The following PRKD1 variants were observed in gnomAD, a reference collection of about 807,000 sequenced individuals.
PRKD1 encodes the protein serine/threonine-protein kinase D1.
PRKD1 carries 63 observed loss-of-function variants against 95.9 expected under a neutral mutation model. That is an observed-to-expected ratio of 0.66 (90% confidence interval 0.54 to 0.81). The LOEUF (loss-of-function observed/expected upper bound fraction) is 0.81, where lower values mean the gene tolerates loss of function less well. Ranked by LOEUF, PRKD1 falls within the 30% of genes least tolerant of loss-of-function variation. The probability of loss-of-function intolerance (pLI) is 0.00; values close to 1 mark genes in which losing one functional copy is unlikely to be tolerated. For missense variants in PRKD1, 1,048 were observed against 1,165.3 expected (o/e 0.90, Z 1.47); for synonymous variants, 425 against 423.1 (o/e 1.00, Z -0.05).
chr14:29,678,976 C>T (rs1283228089), intron 2 of PRKD1, among the ~76,000 whole-genome samples: 1 of 152,086 alleles, frequency 6.6e-6, no homozygotes, highest in Non-Finnish European at 1.5e-5. Flanking sequence ...AACTTTCAGC[C>T]ACTATTAAAA....
intron 1 of PRKD1, among the ~76,000 whole-genome samples, chr14:29,906,027 G>A (rs1894483231): frequency 6.6e-6 from 1 of 151,938 alleles, no homozygotes; most frequent in South Asian, 2.1e-4. Context: ...AAACACATGA[G>A]GTGTAAATCT....
chr14:29,817,844 G>T (rs1193975595), intron 1 of PRKD1, among the ~76,000 whole-genome samples: 2 of 152,032 alleles, frequency 1.3e-5, no homozygotes, highest in Non-Finnish European at 2.9e-5. Flanking sequence ...GATTACAAAG[G>T]AAAATAAAAT....
chr14:29,829,746 T>G (rs1186494330), intron 1 of PRKD1, among the ~76,000 whole-genome samples: 2 of 152,224 alleles, frequency 1.3e-5, no homozygotes, highest in Non-Finnish European at 2.9e-5. Context: ...ATACACACTT[T>G]GAACCAGATG....
chr14:29,766,622 A>G (rs902905064), intron 1 of PRKD1, among the ~76,000 whole-genome samples: 7 of 152,210 alleles, frequency 4.6e-5, no homozygotes, highest in Admixed American at 6.5e-5. Flanking sequence ...TTATGTATGT[A>G]TACTCCAATG....
At chr14:29,689,193 G>A (rs1331390313) in intron 2 of PRKD1, among the ~76,000 whole-genome samples, 1 of 151,456 alleles carries the variant, frequency 6.6e-6, no homozygotes, top group East Asian at 1.9e-4. Flanking sequence ...CAGAATGGGA[G>A]AAAAATTTTG....
chr14:29,713,847 A>C (rs936696477), intron 2 of PRKD1, among the ~76,000 whole-genome samples: 2 of 152,144 alleles, frequency 1.3e-5, no homozygotes, highest in African/African-American at 4.8e-5. Flanking sequence ...GAAGTTCAGG[A>C]AACTGTGGTA....
At chr14:29,787,223 T>TTC (rs1949727481) in intron 1 of PRKD1, among the ~76,000 whole-genome samples, 1 of 149,984 alleles carries the variant, frequency 6.7e-6, no homozygotes, top group African/African-American at 2.4e-5. Context: ...GTGTTTTTTT[T>TTC]TTTTTTTTTT....
intron 16 of PRKD1, among the ~76,000 whole-genome samples, chr14:29,586,706 A>G (rs1321531344): frequency 8.6e-5 from 13 of 152,022 alleles, no homozygotes; most frequent in Admixed American, 7.9e-4. Context: ...CAATGGCGTG[A>G]TCTTGGCTCA....
intron 2 of PRKD1, among the ~76,000 whole-genome samples, chr14:29,678,589 C>T (rs951930170): frequency 2.8e-4 from 43 of 152,190 alleles, no homozygotes; most frequent in Admixed American, 9.2e-4. Flanking sequence ...ACATATTAAA[C>T]AAATTTCCAA....
intron 2 of PRKD1, among the ~76,000 whole-genome samples, chr14:29,694,507 C>T (rs1268421976): frequency 6.6e-6 from 1 of 152,192 alleles, no homozygotes; most frequent in Non-Finnish European, 1.5e-5. Flanking sequence ...TGATCATCTA[C>T]TATGTTCCAA....
At chr14:29,878,715 G>C (rs1047730591) in intron 1 of PRKD1, among the ~76,000 whole-genome samples, 1 of 152,150 alleles carries the variant, frequency 6.6e-6, no homozygotes, top group African/African-American at 2.4e-5. Flanking sequence ...CAAATTCATG[G>C]AGACAGAAAG....
At chr14:29,825,735 A>G (rs1010891149) in intron 1 of PRKD1, among the ~76,000 whole-genome samples, 2 of 152,080 alleles carry the variant, frequency 1.3e-5, no homozygotes, top group Non-Finnish European at 2.9e-5. Context: ...TTGTCAACAT[A>G]GTGGTTTTTG....
chr14:29,689,960 G>T (rs1014068495), intron 2 of PRKD1, among the ~76,000 whole-genome samples: 2 of 152,136 alleles, frequency 1.3e-5, no homozygotes, highest in Admixed American at 1.3e-4. Flanking sequence ...ACACACTGGG[G>T]CCTGTCACCG....
chr14:29,645,096 C>G (rs1370940878), intron 4 of PRKD1, among the ~76,000 whole-genome samples: 1 of 152,064 alleles, frequency 6.6e-6, no homozygotes, highest in African/African-American at 2.4e-5. Flanking sequence ...TTAGATCCTC[C>G]CCAGCTTTCA....
intron 13 of PRKD1, among the ~76,000 whole-genome samples, chr14:29,608,778 G>A (rs1483800942): frequency 1.3e-5 from 2 of 152,134 alleles, no homozygotes; most frequent in Non-Finnish European, 2.9e-5. Context: ...TGAGAACAGA[G>A]ATCATTTGGT....
chr14:29,895,342 G>A (rs1894085911), intron 1 of PRKD1, among the ~76,000 whole-genome samples: 2 of 151,804 alleles, frequency 1.3e-5, no homozygotes, highest in Non-Finnish European at 2.9e-5. Context: ...AACAAAAAAC[G>A]TTCATTTATA....
At chr14:29,766,099 CGAAGAG>C (rs1368632923) in intron 1 of PRKD1, among the ~76,000 whole-genome samples, 1 of 151,934 alleles carries the variant, frequency 6.6e-6, no homozygotes, top group African/African-American at 2.4e-5. Context: ...AGAGCAACGA[CGAAGAG>C]AAGGAGAAGG....
intron 2 of PRKD1, among the ~76,000 whole-genome samples, chr14:29,697,178 CA>C (rs1256615563): frequency 5.7e-5 from 8 of 139,268 alleles, no homozygotes; most frequent in South Asian, 2.4e-4. Flanking sequence ...AAAAAACAAA[CA>C]AACAAACACC....
rs189441318 is a variant in PRKD1 at position 29,595,066 on chromosome 14, G to A, written c.2434+2425C>T. ...GCCTGTGCCTCAAAGGCAAGAGTGA[G>A]CCATAAGGAGGTACTGAGTCATTTG... On this transcript the variant is annotated intron_variant, in intron 16 of 17. Coordinates refer to ENST00000331968, the MANE Select transcript of PRKD1 (RefSeq NM_002742.3). Among the ~76,000 whole-genome samples, 286 of 151,800 alleles carry A rather than the reference G, an allele frequency of 1.9e-3. 1 individual carries two copies. The highest frequency in any genetic ancestry group is 6.8e-3 in the Middle Eastern group (2 of 294).
Sources: allele counts gnomAD v4.1 joint callset (sites outside exome capture counted in the v4.1 genomes callset), GRCh38; gene constraint gnomAD v4.1.1; transcripts MANE v1.5; gene names NCBI Gene and HGNC (gene_info 2026-07-23, HGNC 2026-07-21).